KCNH8: variants seen among roughly 807,000 people sequenced by gnomAD.
The protein encoded by KCNH8 is voltage-gated delayed rectifier potassium channel KCNH8.
In KCNH8, 70 loss-of-function variants were observed where a neutral mutation model predicts 103.6. That is an observed-to-expected ratio of 0.68 (90% CI 0.56 to 0.82). KCNH8 has a LOEUF of 0.82. Among genes scored for constraint, KCNH8 ranks in the 40% least tolerant of loss-of-function variants. The pLI is 0.00. For missense variants in KCNH8, 1,217 were observed against 1,329.9 expected, an observed-to-expected ratio of 0.92 and a Z score of 1.32; for synonymous variants, 498 against 489.4, an observed-to-expected ratio of 1.02 and a Z score of -0.23.
At chr3:19,448,100 T>G (rs1037929904) in intron 8 of KCNH8, among the ~76,000 whole-genome samples, 1 of 151,980 alleles carries the variant, frequency 6.6e-6, no homozygotes, top group Non-Finnish European at 1.5e-5. Context: ...TTCACTTTCA[T>G]AAGGAAAATT....
chr3:19,387,254 T>G (rs1166856916), intron 5 of KCNH8, among the ~76,000 whole-genome samples: 2 of 152,160 alleles, frequency 1.3e-5, no homozygotes, highest in Non-Finnish European at 2.9e-5. Context: ...AGGACTACAA[T>G]CAGAAATGCA....
Position 19,272,614 on chromosome 3 carries a change from G to A in KCNH8, c.311-8584G>A, listed in dbSNP as rs575658157. ...CTCTCCTTCACTTGACATCAAAACT[G>A]CATCATGGTCTTCTCATAGTTTGCT... On this transcript the variant is annotated intron_variant, in intron 2 of 15. Transcript: ENST00000328405. Among the ~76,000 whole-genome samples, 304 of 152,172 alleles carry A rather than the reference G, an allele frequency of 2.0e-3. 3 individuals carry two copies. The highest frequency in any genetic ancestry group is 7.0e-3 in the African/African-American group (290 of 41,536).
intron 1 of KCNH8, among the ~76,000 whole-genome samples, chr3:19,211,007 C>T (rs1212960258): frequency 6.6e-6 from 1 of 152,090 alleles, no homozygotes; most frequent in Non-Finnish European, 1.5e-5. Context: ...TATCCTTAGC[C>T]TTCATCTAGG....
chr3:19,502,581 A>G (rs1272227980), intron 11 of KCNH8, among the ~76,000 whole-genome samples: 3 of 152,218 alleles, frequency 2.0e-5, no homozygotes, highest in Admixed American at 6.5e-5. Flanking sequence ...AGAGATAGAT[A>G]TAGATCAATG....
Position 19,438,467 on chromosome 3 carries a change from C to T in KCNH8, c.1375+106C>T, listed in dbSNP as rs952519602. 22 of 908,054 alleles carry T rather than the reference C, an allele frequency of 2.4e-5. No homozygotes were observed. In the African/African-American group the frequency reaches 3.7e-4, roughly 15 times the overall value. 56.2% of individuals were successfully genotyped at this position (908,054 alleles called of 1,614,324 possible). ...TACAAAACAGATAAACTGATTAACACTGGAAGATTCTAAAAGCACTAATTA... is the reference window on the plus strand; with the variant it reads ...TACAAAACAGATAAACTGATTAACATTGGAAGATTCTAAAAGCACTAATTA... On this transcript the variant is annotated intron_variant, in intron 8 of 15. Transcript: ENST00000328405.
intron 5 of KCNH8, among the ~76,000 whole-genome samples, chr3:19,372,099 T>C (rs1310597527): frequency 6.6e-6 from 1 of 152,176 alleles, no homozygotes; most frequent in Non-Finnish European, 1.5e-5. Flanking sequence ...ATGCGGGCTC[T>C]TTTTTGGTTC....
At chr3:19,359,344 A>G (rs531323803) in intron 5 of KCNH8, among the ~76,000 whole-genome samples, 1 of 150,754 alleles carries the variant, frequency 6.6e-6, no homozygotes, top group Admixed American at 6.6e-5. Context: ...ATGTACTTAT[A>G]TATATATGTG....
At chr3:19,440,855 C>A (rs576341124) in intron 8 of KCNH8, among the ~76,000 whole-genome samples, 8 of 152,252 alleles carry the variant, frequency 5.3e-5, no homozygotes, top group Non-Finnish European at 1.2e-4. Flanking sequence ...GGGGTTGGCA[C>A]TATTATTATT....
At chr3:19,208,297 A>G (rs2063736646) in intron 1 of KCNH8, among the ~76,000 whole-genome samples, 1 of 152,086 alleles carries the variant, frequency 6.6e-6, no homozygotes, top group Non-Finnish European at 1.5e-5. Flanking sequence ...TTACTATCAG[A>G]AAGTACACAT....
At chr3:19,382,166 T>A (rs1415129865) in intron 5 of KCNH8, among the ~76,000 whole-genome samples, 1 of 152,194 alleles carries the variant, frequency 6.6e-6, no homozygotes, top group Non-Finnish European at 1.5e-5. Context: ...AAATGCTAAA[T>A]ATTATCTTTA....
chr3:19,154,026 A>G (rs114607462), intron 1 of KCNH8, among the ~76,000 whole-genome samples: 1,577 of 152,252 alleles, frequency 0.01, 28 homozygotes, highest in African/African-American at 0.035. Context: ...CTTTTTCTCA[A>G]ATGGGGCAAT....
intron 3 of KCNH8, among the ~76,000 whole-genome samples, chr3:19,327,351 G>A (rs993095274): frequency 1.3e-5 from 2 of 152,196 alleles, no homozygotes; most frequent in African/African-American, 4.8e-5. Context: ...GTGCAGTGGT[G>A]TGATCTAGGC....
chr3:19,435,357 TC>T (rs1365696121), intron 7 of KCNH8, among the ~76,000 whole-genome samples: 2 of 152,142 alleles, frequency 1.3e-5, no homozygotes, highest in Non-Finnish European at 2.9e-5. Flanking sequence ...AGATAACAAT[TC>T]CTAAGTCTTT....
chr3:19,345,911 C>G (rs2065722645), intron 4 of KCNH8, among the ~76,000 whole-genome samples: 1 of 152,008 alleles, frequency 6.6e-6, no homozygotes, highest in Non-Finnish European at 1.5e-5. Flanking sequence ...TAATATATTG[C>G]TGAACTTTTG....
chr3:19,415,032 A>G (rs1015969512), intron 7 of KCNH8, among the ~76,000 whole-genome samples: 6 of 152,000 alleles, frequency 3.9e-5, no homozygotes, highest in African/African-American at 1.4e-4. Context: ...CTCTACTATT[A>G]TAAACTTGGT....
intron 1 of KCNH8, among the ~76,000 whole-genome samples, chr3:19,198,912 A>C (rs2063629191): frequency 6.6e-6 from 1 of 152,062 alleles, no homozygotes; most frequent in Admixed American, 6.6e-5. Flanking sequence ...ATGGATGAGA[A>C]AAGAGGGGTT....
chr3:19,185,271 C>A (rs908559133), intron 1 of KCNH8, among the ~76,000 whole-genome samples: 8 of 151,768 alleles, frequency 5.3e-5, no homozygotes. Context: ...TTCTCTGCAT[C>A]CTTGCCAAAA....
At chr3:19,354,946 C>G (rs1273616479) in intron 5 of KCNH8, among the ~76,000 whole-genome samples, 5 of 152,150 alleles carry the variant, frequency 3.3e-5, no homozygotes, top group African/African-American at 1.2e-4. Context: ...GAATAGGCAA[C>G]CTACAGAATG....
At chr3:19,468,969 T>C (rs1320374538) in intron 11 of KCNH8, among the ~76,000 whole-genome samples, 1 of 152,196 alleles carries the variant, frequency 6.6e-6, no homozygotes, top group Non-Finnish European at 1.5e-5. Context: ...TTAGTCCCCA[T>C]TTCAGTCTGA....
Sources: allele counts gnomAD v4.1 joint callset (sites outside exome capture counted in the v4.1 genomes callset), GRCh38; gene constraint gnomAD v4.1.1; transcripts MANE v1.5; gene names NCBI Gene and HGNC (gene_info 2026-07-23, HGNC 2026-07-21).